Variants in KAT6B observed in about 807,000 individuals in gnomAD.
The protein encoded by KAT6B is histone acetyltransferase KAT6B.
A neutral mutation model predicts 187.5 loss-of-function variants in KAT6B; 10 were observed. That is an observed-to-expected ratio of 0.05 (90% CI 0.03 to 0.09). The LOEUF (loss-of-function observed/expected upper bound fraction) is 0.09, where lower values mean the gene tolerates loss of function less well. Among genes scored for constraint, KAT6B ranks in the 10% least tolerant of loss-of-function variants. The pLI, the probability that KAT6B is intolerant of heterozygous loss-of-function variation, is 1.00. For synonymous variants in KAT6B, 861 were observed against 926.8 expected (o/e 0.93, Z 1.29); for missense variants, 1,952 against 2,558.9 (o/e 0.76, Z 5.12).
At position 75,028,497 on chromosome 10, in the gene KAT6B, A is replaced by C. The variant is rs769421055; in HGVS notation, c.3673A>C (p.Asn1225His). 1 of 1,614,138 alleles carries C rather than the reference A, an allele frequency of 6.2e-7. No individual in the cohort carries two copies. The highest frequency in any genetic ancestry group is 1.1e-5 in the South Asian group (1 of 91,080). Residue 1225 changes from asparagine to histidine, a missense_variant, in exon 18 of 18, where the codon AAT becomes CAT. Transcript: ENST00000287239. The stretch of plus-strand genomic sequence containing the variant: ...TTTGTCTCTTCACTAAGACAATATG[A>C]ATGATGATTCAAGTAACTTGAAAGA... Reference protein sequence around the residue: ...KNADPCRNNMNDDSSNLKEGS... With the variant: ...KNADPCRNNMHDDSSNLKEGS...
upstream of KAT6B, among the ~76,000 whole-genome samples, chr10:74,826,139 G>T (rs1252790803): frequency 6.8e-6 from 1 of 146,842 alleles, no homozygotes; most frequent in East Asian, 2.1e-4. Context: ...GGGGTTTGGG[G>T]TTGAGTGGGG....
intron 3 of KAT6B, among the ~76,000 whole-genome samples, chr10:74,868,842 C>T (rs1472912102): frequency 6.6e-6 from 1 of 152,154 alleles, no homozygotes; most frequent in South Asian, 2.1e-4. Flanking sequence ...GATACAGCAG[C>T]CTCCCAGGGA....
chr10:74,918,697 T>G (rs1358329691), intron 3 of KAT6B, among the ~76,000 whole-genome samples: 1 of 151,586 alleles, frequency 6.6e-6, no homozygotes, highest in African/African-American at 2.4e-5. Context: ...GAGCTGAGAT[T>G]GTGCTGTTGC....
chr10:74,942,362 T>C (rs1236823595), intron 3 of KAT6B, among the ~76,000 whole-genome samples: 5 of 152,072 alleles, frequency 3.3e-5, no homozygotes, highest in Non-Finnish European at 7.4e-5. Context: ...GATCATCTTA[T>C]TAAGATAAGG....
chr10:75,002,680 T>C (rs1380725172), intron 13 of KAT6B, among the ~76,000 whole-genome samples: 1 of 152,258 alleles, frequency 6.6e-6, no homozygotes, highest in African/African-American at 2.4e-5. Context: ...AACATAATGG[T>C]ATTTTTGTAT....
chr10:74,895,349 T>C (rs1845913852), intron 3 of KAT6B, among the ~76,000 whole-genome samples: 1 of 146,722 alleles, frequency 6.8e-6, no homozygotes, highest in Admixed American at 6.7e-5. Context: ...CTTTTCACTT[T>C]GCCCTTTAAT....
chr10:74,939,589 C>CG (rs1444660351), intron 3 of KAT6B, among the ~76,000 whole-genome samples: 3 of 151,976 alleles, frequency 2.0e-5, no homozygotes, highest in African/African-American at 4.8e-5. Context: ...TTAGTAGAGA[C>CG]GGGGTCTCAC....
chr10:74,899,816 A>G (rs931202095), intron 3 of KAT6B, among the ~76,000 whole-genome samples: 1 of 152,168 alleles, frequency 6.6e-6, no homozygotes, highest in Non-Finnish European at 1.5e-5. Context: ...TTAAATAGTT[A>G]AAATTTGTCA....
intron 11 of KAT6B, 190 bp from the exon 12 acceptor site, chr10:74,984,890 G>A (rs996658587): frequency 2.6e-5 from 16 of 610,840 alleles, no homozygotes; most frequent in Non-Finnish European, 3.4e-5. Flanking sequence ...AAGAGAAAAT[G>A]TGGAATTCTG....
At chr10:74,975,198 G>A (rs1054085842) in intron 7 of KAT6B, among the ~76,000 whole-genome samples, 9 of 152,068 alleles carry the variant, frequency 5.9e-5, no homozygotes, top group Admixed American at 5.2e-4. Context: ...CCTGGTGGAT[G>A]GGCCCTGGAA....
chr10:74,911,783 G>A (rs998834761), intron 3 of KAT6B, among the ~76,000 whole-genome samples: 1 of 151,662 alleles, frequency 6.6e-6, no homozygotes, highest in Non-Finnish European at 1.5e-5. Flanking sequence ...TTATAACATG[G>A]GGGAAAATGT....
chr10:74,864,343 C>T (rs111812553), intron 3 of KAT6B, among the ~76,000 whole-genome samples: 17,259 of 152,062 alleles, frequency 0.11, 2,295 homozygotes, highest in African/African-American at 0.32. Context: ...CAGGTTCAGG[C>T]GATTCTCCTG....
chr10:74,862,543 T>C (rs188958127), intron 3 of KAT6B, among the ~76,000 whole-genome samples: 63 of 152,252 alleles, frequency 4.1e-4, no homozygotes, highest in African/African-American at 1.5e-3. Flanking sequence ...GATGCCAGCA[T>C]GCATCACATG....
rs563622126 is a variant in KAT6B, at chr10:74,976,335, G to A, written c.1993+5G>A. On this transcript the variant is annotated splice_donor_5th_base_variant and intron_variant, in intron 8 of 17. Transcript: ENST00000287239. Reference sequence around the variant, plus strand: ...TTAAACCTGATCAGGATGATGGTAAGCAAAAGGTCAAAGCTCCAACCAAAC... The same window carrying A: ...TTAAACCTGATCAGGATGATGGTAAACAAAAGGTCAAAGCTCCAACCAAAC... The A allele has an allele frequency of 1.2e-6, 2 of 1,611,058 alleles. No homozygotes were observed. Among genetic ancestry groups the A allele is most frequent in the Admixed American group, 3.3e-5 (2 of 60,006 alleles).
intron 3 of KAT6B, among the ~76,000 whole-genome samples, chr10:74,889,521 G>A (rs556251396): frequency 3.3e-5 from 5 of 152,278 alleles, no homozygotes; most frequent in Non-Finnish European, 2.9e-5. Flanking sequence ...GGGGACCTTT[G>A]CATCTGTGTA....
At chr10:75,005,016 T>C (rs531885390) in intron 13 of KAT6B, among the ~76,000 whole-genome samples, 2 of 152,262 alleles carry the variant, frequency 1.3e-5, no homozygotes, top group Non-Finnish European at 2.9e-5. Context: ...TGCCCTGAGC[T>C]GTTGTTAAAA....
chr10:74,966,142 G>T (rs368098633), intron 4 of KAT6B, among the ~76,000 whole-genome samples: 2 of 152,146 alleles, frequency 1.3e-5, no homozygotes, highest in Non-Finnish European at 2.9e-5. Context: ...CACATTCCCC[G>T]GCTTGCAGCC....
In KAT6B at chr10:75,020,655, C is replaced by G; in HGVS notation, c.2703C>G (p.Ser901=). 1 of 1,614,226 alleles carries G rather than the reference C, an allele frequency of 6.2e-7. No homozygotes were observed. The highest frequency in any genetic ancestry group is 8.5e-7 in the Non-Finnish European group (1 of 1,180,032). The change falls in exon 14 of 18, where the codon TCC becomes TCG. Residue 901 remains serine, a synonymous_variant. Coordinates refer to ENST00000287239, the MANE Select transcript of KAT6B (RefSeq NM_012330.4). The part of the protein sequence containing the change: ...EKPLSDLGRL[S]YLAYWKSVIL... ...CTCTCTCCGATCTGGGCCGTCTCTC[C>G]TACCTGGCATATTGGAAGAGCGTCA...
In KAT6B at chr10:74,907,583, A is replaced by G. The variant is rs189327372; in HGVS notation, c.622-52387A>G. Among the ~76,000 whole-genome samples, 418 of 151,586 alleles carry G rather than the reference A, an allele frequency of 2.8e-3. 5 individuals are homozygous for G. The highest frequency in any genetic ancestry group is 9.7e-3 in the African/African-American group (401 of 41,268). ...CTGTTGTTGCCCAGGCTGGAGTGCA[A>G]TGGCATGGTCTCGGCTCACTGCAAC... On this transcript the variant is annotated intron_variant, in intron 3 of 17. Coordinates refer to ENST00000287239, the MANE Select transcript of KAT6B (RefSeq NM_012330.4).
Sources: gnomAD v4.1 joint callset for allele counts (sites outside exome capture counted in the v4.1 genomes callset) on GRCh38, gnomAD v4.1.1 for gene constraint, MANE v1.5 for transcripts, NCBI Gene and HGNC (gene_info 2026-07-23, HGNC 2026-07-21) for gene names.